The following PTN variants were observed in gnomAD, a reference collection of about 807,000 sequenced individuals.
PTN encodes the protein heparin affin regulatory protein.
A neutral mutation model predicts 24.1 loss-of-function variants in PTN; 18 were observed. The ratio of observed to expected loss-of-function variants is 0.75; its 90% CI spans 0.52 to 1.11. PTN has a LOEUF of 1.11. Ranked by LOEUF, PTN falls within the 50% of genes least tolerant of loss-of-function variation. The pLI is 0.00. For synonymous variants in PTN, 78 were observed against 68.6 expected (o/e 1.14, Z -0.67); for missense variants, 163 against 198.8 (o/e 0.82, Z 1.08).
chr7:137,333,439 C>G (rs549163556), intron 1 of PTN, among the ~76,000 whole-genome samples: 1 of 152,144 alleles, frequency 6.6e-6, no homozygotes, highest in African/African-American at 2.4e-5. Context: ...ACAATATGTT[C>G]CTTATTAATT....
chr7:137,229,626 C>G (rs1808394976), intron 4 of PTN, among the ~76,000 whole-genome samples: 5 of 151,726 alleles, frequency 3.3e-5, no homozygotes, highest in Admixed American at 2.0e-4. Context: ...AGTGGGTCAG[C>G]AGTTTCTAAA....
Position 137,284,006 on chromosome 7 carries a change from G to T in PTN, c.-1-29032C>A, listed in dbSNP as rs1306646893. ...TTTTTTTTGAGATAGAGTCTCTGTCGCCCAGGCTGGAGTGCAGTGGCGAGA... is the reference window on the plus strand; with the variant it reads ...TTTTTTTTGAGATAGAGTCTCTGTCTCCCAGGCTGGAGTGCAGTGGCGAGA... On this transcript the variant is annotated intron_variant, in intron 1 of 4. Transcript: ENST00000348225. Among the ~76,000 whole-genome samples the T allele has an allele frequency of 4.5e-5, 5 of 110,080 alleles. No homozygotes were observed. The East Asian group carries it at 1.5e-3, about 34-fold the overall frequency. The allele number at this position is 110,080 out of a possible 152,430, so 72.2% of individuals were successfully genotyped here.
In PTN at chr7:137,284,134, A is replaced by AT. The variant is rs565444569; in HGVS notation, c.-1-29161dup. On this transcript the variant is annotated intron_variant, in intron 1 of 4. Transcript: ENST00000348225. The stretch of plus-strand genomic sequence containing the variant: ...AGAAGCCCGCCACCACTCCCGGCTA[A>AT]TTTTTTGTATTTTTTAGTAGAGACA... Among the ~76,000 whole-genome samples the AT allele has an allele frequency of 2.7e-4, 41 of 151,054 alleles. 2 individuals are homozygous for AT. The South Asian group carries it at 7.8e-3, about 29-fold the overall frequency.
intron 1 of PTN, among the ~76,000 whole-genome samples, chr7:137,264,475 G>A (rs906028265): frequency 2.0e-5 from 3 of 152,160 alleles, no homozygotes; most frequent in African/African-American, 4.8e-5. Context: ...GGGTGTGACT[G>A]GAGCAGCGCT....
At chr7:137,319,453 C>T (rs923570708) in intron 1 of PTN, among the ~76,000 whole-genome samples, 59 of 152,268 alleles carry the variant, frequency 3.9e-4, no homozygotes, top group Admixed American at 7.2e-4. Flanking sequence ...TTCCTTAAAA[C>T]CTGACATTGA....
At chr7:137,322,301 T>C (rs1456921255) in intron 1 of PTN, among the ~76,000 whole-genome samples, 1 of 152,196 alleles carries the variant, frequency 6.6e-6, no homozygotes, top group Non-Finnish European at 1.5e-5. Context: ...ATGGATGTTT[T>C]CAACTGGTGA....
intron 4 of PTN, chr7:137,236,267 A>G (rs774218192): frequency 1.4e-6 from 1 of 702,162 alleles, no homozygotes; most frequent in Non-Finnish European, 2.6e-6. Flanking sequence ...TGAGATATCT[A>G]TAGCTTCTCC....
Position 137,253,584 on chromosome 7 carries a change from G to GCA in PTN, c.167_168dup (p.Pro57CysfsTer25). 2.5e-6 allele frequency: 4 copies of GCA among 1,603,604 alleles called. No individual in the cohort carries two copies. The highest frequency in any genetic ancestry group is 2.6e-6 in the Non-Finnish European group (3 of 1,174,050). ...CCCAGCCCACAGTCTCCACTGGTGG[G>GCA]CACACACACACTCCACTGCCATTCT... On this transcript the variant is annotated frameshift_variant, in exon 3 of 5. Transcript: ENST00000348225. LOFTEE classifies it high-confidence loss of function.
intron 1 of PTN, among the ~76,000 whole-genome samples, chr7:137,288,838 G>A (rs1327501852): frequency 6.6e-6 from 1 of 151,890 alleles, no homozygotes; most frequent in Non-Finnish European, 1.5e-5. Context: ...GTACAACAGG[G>A]GCAAAATCAT....
At position 137,324,433 on chromosome 7, in the gene PTN, A is replaced by AAAAAAAAAAT; in HGVS notation, c.-2+19005_-2+19006insATTTTTTTTT. Among the ~76,000 whole-genome samples the AAAAAAAAAAT allele has an allele frequency of 7.4e-4, 66 of 88,742 alleles. 1 individual carries two copies. The highest frequency in any genetic ancestry group is 3.7e-3 in the African/African-American group (54 of 14,472). 58.2% of individuals were successfully genotyped at this position (88,742 alleles called of 152,430 possible). On this transcript the variant is annotated intron_variant, in intron 1 of 4. Transcript: ENST00000348225. ...CCCTGTCTCTAAAAAAAAAAAAAAA[A>AAAAAAAAAAT]ATATATATATATATATATAAATTAA...
chr7:137,274,404 G>A (rs140590842), intron 1 of PTN, among the ~76,000 whole-genome samples: 61 of 152,222 alleles, frequency 4.0e-4, no homozygotes, highest in African/African-American at 1.4e-3. Flanking sequence ...GGGTACATGT[G>A]CAGAACATGC....
chr7:137,246,160 T>C (rs1808720149), intron 4 of PTN, among the ~76,000 whole-genome samples: 1 of 152,188 alleles, frequency 6.6e-6, no homozygotes. Flanking sequence ...TCACGGTAAG[T>C]GCCCTACAGA....
chr7:137,326,394 T>G (rs936715976), intron 1 of PTN: 1 of 152,196 alleles, frequency 6.6e-6, no homozygotes, highest in Admixed American at 6.5e-5. Flanking sequence ...TCACCCTTCA[T>G]GTACTCACCT....
In PTN at chr7:137,254,540, ATTT is replaced by A. The variant is rs71758827; in HGVS notation, c.115+316_115+318del. ...TAAGGAGAAAAACAAGTTGCAGTGCATTTTTTTTTTTTTGAGGTAGAGAGGTAA... is the reference window on the plus strand; with the variant it reads ...TAAGGAGAAAAACAAGTTGCAGTGCATTTTTTTTTTGAGGTAGAGAGGTAA... On this transcript the variant is annotated intron_variant, in intron 2 of 4. Transcript: ENST00000348225. Among the ~76,000 whole-genome samples, 18 of 146,930 alleles carry A rather than the reference ATTT, an allele frequency of 1.2e-4. 1 individual carries two copies. Among genetic ancestry groups the A allele is most frequent in the South Asian group, 4.3e-4 (2 of 4,656 alleles).
chr7:137,254,159 G>A (rs1013698839), intron 2 of PTN, among the ~76,000 whole-genome samples: 5 of 151,960 alleles, frequency 3.3e-5, no homozygotes, highest in East Asian at 1.9e-4. Flanking sequence ...TTAGCTGGGC[G>A]TGGTGGTGCA....
intron 1 of PTN, among the ~76,000 whole-genome samples, chr7:137,289,023 C>T (rs1485997131): frequency 2.0e-5 from 3 of 152,232 alleles, no homozygotes; most frequent in South Asian, 2.1e-4. Flanking sequence ...TGTTTATATG[C>T]ACACATAGTC....
intron 1 of PTN, among the ~76,000 whole-genome samples, chr7:137,324,433 A>ATATATAT (rs1554383234): frequency 1.9e-4 from 17 of 88,760 alleles, no homozygotes; most frequent in South Asian, 9.6e-4. Context: ...AAAAAAAAAA[A>ATATATAT]ATATATATAT....
intron 1 of PTN, among the ~76,000 whole-genome samples, chr7:137,333,161 T>C (rs1810386918): frequency 6.6e-6 from 1 of 152,134 alleles, no homozygotes; most frequent in Non-Finnish European, 1.5e-5. Flanking sequence ...AAAAAGAGTC[T>C]GGTACCTTCC....
At chr7:137,297,695 T>A (rs965520051) in intron 1 of PTN, among the ~76,000 whole-genome samples, 1 of 151,954 alleles carries the variant, frequency 6.6e-6, no homozygotes, top group Non-Finnish European at 1.5e-5. Context: ...TATCCAACAC[T>A]TTGAATTCCC....
Sources: allele counts gnomAD v4.1 joint callset (sites outside exome capture counted in the v4.1 genomes callset), GRCh38; gene constraint gnomAD v4.1.1; transcripts MANE v1.5; gene names NCBI Gene and HGNC (gene_info 2026-07-23, HGNC 2026-07-21).